RALGAPA2: variants seen among roughly 807,000 people sequenced by gnomAD.
RALGAPA2 encodes Ral GTPase activating protein catalytic subunit alpha 2.
A neutral mutation model predicts 230.4 loss-of-function variants in RALGAPA2; 139 were observed. The observed-to-expected ratio is 0.60, with a 90% CI of 0.53 to 0.69. The LOEUF is 0.69. Among genes scored for constraint, RALGAPA2 ranks in the 30% least tolerant of loss-of-function variants. The pLI, the probability that RALGAPA2 is intolerant of heterozygous loss-of-function variation, is 0.00. For synonymous variants in RALGAPA2, 847 were observed against 837.8 expected, an observed-to-expected ratio of 1.01 and a Z score of -0.19; for missense variants, 2,163 against 2,276.0, an observed-to-expected ratio of 0.95 and a Z score of 1.01.
chr20:20,446,600 C>T (rs185160546), intron 37 of RALGAPA2, among the ~76,000 whole-genome samples: 9 of 152,276 alleles, frequency 5.9e-5, no homozygotes, highest in East Asian at 1.9e-4. Context: ...TGCATTACTA[C>T]GCATAAAGAG....
At position 20,605,416 on chromosome 20, in the gene RALGAPA2, A is replaced by C; in HGVS notation, c.1801-4T>G. The C allele has an allele frequency of 6.3e-7, 1 of 1,593,896 alleles. No homozygotes were observed. Among genetic ancestry groups the C allele is most frequent in the Non-Finnish European group, 8.6e-7 (1 of 1,162,196 alleles). Reference sequence around the variant, plus strand: ...GGATCCAAGCTACCATGAGCGTCTAAAACCAACCAACCAACAAGAGAATTC... The same window carrying C: ...GGATCCAAGCTACCATGAGCGTCTACAACCAACCAACCAACAAGAGAATTC... On this transcript the variant is annotated splice_region_variant and splice_polypyrimidine_tract_variant and intron_variant, in intron 14 of 39. Coordinates refer to ENST00000202677, the MANE Select transcript of RALGAPA2 (RefSeq NM_020343.4).
chr20:20,454,119 T>C (rs1203639762), intron 37 of RALGAPA2, among the ~76,000 whole-genome samples: 1 of 152,100 alleles, frequency 6.6e-6, no homozygotes, highest in African/African-American at 2.4e-5. Context: ...CTTAAGGGGT[T>C]CTCCGAAGGT....
intron 23 of RALGAPA2, among the ~76,000 whole-genome samples, chr20:20,567,076 A>T (rs531001006): frequency 9.2e-5 from 14 of 152,378 alleles, no homozygotes; most frequent in South Asian, 4.1e-4. Context: ...TGTATAACAG[A>T]CAAATTACAT....
rs1263697792 is a variant in RALGAPA2 at position 20,702,795 on chromosome 20, G to C, written c.106+9580C>G. Among the ~76,000 whole-genome samples, 4 of 152,306 alleles carry C rather than the reference G, an allele frequency of 2.6e-5. No homozygotes were observed. In the East Asian group the frequency reaches 7.7e-4, roughly 29 times the overall value. On this transcript the variant is annotated intron_variant, in intron 1 of 39. Transcript: ENST00000202677. Reference sequence around the variant, plus strand: ...GTTCAATGAATATGTGTCATCACCTGAAATCAAACACAATATCCATGGGCT... The same window carrying C: ...GTTCAATGAATATGTGTCATCACCTCAAATCAAACACAATATCCATGGGCT...
chr20:20,548,521 C>T (rs1044542613), intron 23 of RALGAPA2, among the ~76,000 whole-genome samples: 3 of 151,800 alleles, frequency 2.0e-5, no homozygotes, highest in Non-Finnish European at 4.4e-5. Context: ...TTTTTTCCTA[C>T]ATCAGAAATA....
chr20:20,584,241 T>G (rs540164400), intron 19 of RALGAPA2, among the ~76,000 whole-genome samples: 3 of 152,318 alleles, frequency 2.0e-5, no homozygotes, highest in East Asian at 1.9e-4. Flanking sequence ...TTTCTAAGTA[T>G]TTAACCCATT....
At chr20:20,438,962 A>G (rs2060674414) in intron 37 of RALGAPA2, among the ~76,000 whole-genome samples, 1 of 152,180 alleles carries the variant, frequency 6.6e-6, no homozygotes, top group Admixed American at 6.5e-5. Context: ...TCATTGGGAA[A>G]GGCCCAATGT....
intron 13 of RALGAPA2, 96 bp from the exon 14 acceptor site, chr20:20,611,522 T>A (rs1183134289): frequency 1.3e-6 from 2 of 1,493,442 alleles, no homozygotes; most frequent in African/African-American, 2.8e-5. Context: ...TTCAGCAACA[T>A]TGATAATTAT....
chr20:20,615,742 A>C (rs1219941995), intron 13 of RALGAPA2, among the ~76,000 whole-genome samples: 1 of 151,866 alleles, frequency 6.6e-6, no homozygotes, highest in Non-Finnish European at 1.5e-5. Context: ...GCTTATGGTG[A>C]GTATTATAAA....
chr20:20,392,556 T>G lies in RALGAPA2; in HGVS notation c.*733A>C, dbSNP rs992979717. ...CTGGAATCTTCTGAGTGTTCTAAGA[T>G]AGGGGCATCACTGTCATGACCTGAA... is the stretch of plus-strand genomic sequence containing the variant. On this transcript the variant is annotated 3_prime_UTR_variant, in exon 40 of 40. Coordinates refer to ENST00000202677, the MANE Select transcript of RALGAPA2 (RefSeq NM_020343.4). The G allele has an allele frequency of 6.4e-6, 1 of 155,614 alleles. No homozygotes were observed. The highest frequency in any genetic ancestry group is 2.4e-5 in the African/African-American group (1 of 41,460). The allele number at this position is 155,614 out of a possible 1,614,324, so 9.6% of individuals were successfully genotyped here.
At chr20:20,708,982 G>C (rs923552664) in intron 1 of RALGAPA2, among the ~76,000 whole-genome samples, 2 of 152,030 alleles carry the variant, frequency 1.3e-5, no homozygotes, top group Non-Finnish European at 2.9e-5. Context: ...GTGAGCTCAA[G>C]ACCAGCCTGG....
At chr20:20,474,117 C>T (rs1316985464) in intron 36 of RALGAPA2, among the ~76,000 whole-genome samples, 1 of 152,114 alleles carries the variant, frequency 6.6e-6, no homozygotes, top group Non-Finnish European at 1.5e-5. Context: ...CCAGTTGGCT[C>T]TAATGGCCAG....
At chr20:20,682,978 G>C (rs991554527) in intron 1 of RALGAPA2, among the ~76,000 whole-genome samples, 1 of 152,088 alleles carries the variant, frequency 6.6e-6, no homozygotes, top group African/African-American at 2.4e-5. Context: ...ATTTCTCCAC[G>C]TGAGGGTCTT....
chr20:20,537,046 T>C (rs2063516518), intron 24 of RALGAPA2, among the ~76,000 whole-genome samples: 1 of 152,224 alleles, frequency 6.6e-6, no homozygotes, highest in African/African-American at 2.4e-5. Flanking sequence ...GAAAGGCCAA[T>C]GACTCTGTCA....
At chr20:20,451,870 A>G (rs965611679) in intron 37 of RALGAPA2, among the ~76,000 whole-genome samples, 2 of 152,232 alleles carry the variant, frequency 1.3e-5, no homozygotes, top group East Asian at 3.8e-4. Flanking sequence ...ATACTAGAAG[A>G]GACTATGCAA....
intron 16 of RALGAPA2, chr20:20,598,714 C>G (rs1568629323): frequency 2.2e-6 from 1 of 455,982 alleles, no homozygotes. Flanking sequence ...GTAAGAGAGA[C>G]CAGGTAAGAG....
At chr20:20,607,249 G>T (rs925296390) in intron 14 of RALGAPA2, among the ~76,000 whole-genome samples, 4 of 152,104 alleles carry the variant, frequency 2.6e-5, no homozygotes, top group Non-Finnish European at 5.9e-5. Flanking sequence ...AATCAGACAG[G>T]CCTATTCTGA....
At chr20:20,636,376 A>G (rs1340919072) in intron 8 of RALGAPA2, among the ~76,000 whole-genome samples, 1 of 152,224 alleles carries the variant, frequency 6.6e-6, no homozygotes, top group Non-Finnish European at 1.5e-5. Context: ...GAATATTAAC[A>G]ATATACCATG....
intron 37 of RALGAPA2, among the ~76,000 whole-genome samples, chr20:20,445,117 A>G (rs2060831323): frequency 6.6e-6 from 1 of 152,230 alleles, no homozygotes; most frequent in African/African-American, 2.4e-5. Context: ...TTAGAAGGAA[A>G]CTTCATAATA....
Sources: gnomAD v4.1 joint callset for allele counts (sites outside exome capture counted in the v4.1 genomes callset) on GRCh38, gnomAD v4.1.1 for gene constraint, MANE v1.5 for transcripts, NCBI Gene and HGNC (gene_info 2026-07-23, HGNC 2026-07-21) for gene names.